GRID1: variants seen among roughly 807,000 people sequenced by gnomAD.
The protein encoded by GRID1 is glutamate ionotropic receptor delta type subunit 1, also known as glutamate receptor ionotropic, delta-1.
A neutral mutation model predicts 98.0 loss-of-function variants in GRID1; 28 were observed. The observed-to-expected ratio is 0.29, with a 90% CI of 0.21 to 0.39. GRID1 has a LOEUF of 0.39. GRID1 is among the 10% of genes least tolerant of loss of function. The pLI is 1.00. For synonymous variants in GRID1, 553 were observed against 538.5 expected (o/e 1.03, Z -0.37); for missense variants, 1,111 against 1,340.5 (o/e 0.83, Z 2.67).
chr10:86,012,235 C>T (rs575411619), intron 4 of GRID1, among the ~76,000 whole-genome samples: 1 of 152,296 alleles, frequency 6.6e-6, no homozygotes, highest in African/African-American at 2.4e-5. Flanking sequence ...GAGGGGAGTG[C>T]TAGCATTTTG....
chr10:86,203,750 G>C (rs1208550381), intron 3 of GRID1, among the ~76,000 whole-genome samples: 1 of 151,850 alleles, frequency 6.6e-6, no homozygotes, highest in African/African-American at 2.4e-5. Flanking sequence ...GAGAACCCCA[G>C]CTCTGGGGTT....
chr10:86,224,096 T>A (rs1032399733), intron 2 of GRID1, among the ~76,000 whole-genome samples: 5 of 152,182 alleles, frequency 3.3e-5, no homozygotes. Flanking sequence ...ACATGTTCCC[T>A]CCAACTGTAC....
At chr10:85,784,781 T>A (rs1225961402) in intron 8 of GRID1, among the ~76,000 whole-genome samples, 1 of 152,204 alleles carries the variant, frequency 6.6e-6, no homozygotes, top group Non-Finnish European at 1.5e-5. Flanking sequence ...AAGGACGAGG[T>A]GTGCATGCTC....
intron 4 of GRID1, among the ~76,000 whole-genome samples, chr10:86,103,354 A>G (rs1326855251): frequency 6.6e-6 from 1 of 152,200 alleles, no homozygotes; most frequent in Non-Finnish European, 1.5e-5. Flanking sequence ...TATAGGGCCC[A>G]GGTGGGGAAT....
chr10:85,797,184 A>G (rs1054691931), intron 8 of GRID1, among the ~76,000 whole-genome samples: 1 of 152,178 alleles, frequency 6.6e-6, no homozygotes, highest in Non-Finnish European at 1.5e-5. Flanking sequence ...AGTTTTTTAA[A>G]AAACCTCAAA....
intron 4 of GRID1, among the ~76,000 whole-genome samples, chr10:86,051,358 T>C (rs576066761): frequency 3.9e-4 from 56 of 144,260 alleles, no homozygotes; most frequent in Admixed American, 1.0e-3. Flanking sequence ...ACGTTTAAAA[T>C]GGAACCATAA....
At chr10:85,645,256 G>C (rs374310488) in intron 13 of GRID1, among the ~76,000 whole-genome samples, 1 of 151,932 alleles carries the variant, frequency 6.6e-6, no homozygotes, top group African/African-American at 2.4e-5. Context: ...GTCAAAGAAA[G>C]CCAGGAAAGG....
intron 4 of GRID1, among the ~76,000 whole-genome samples, chr10:86,005,610 T>C (rs1842851680): frequency 6.6e-6 from 1 of 152,194 alleles, no homozygotes; most frequent in African/African-American, 2.4e-5. Flanking sequence ...GATCCCACAC[T>C]GTGGTCAAAT....
intron 2 of GRID1, among the ~76,000 whole-genome samples, chr10:86,240,918 G>A (rs1239789418): frequency 8.5e-5 from 13 of 152,342 alleles, no homozygotes; most frequent in Middle Eastern, 6.8e-3. Flanking sequence ...GTGGAAAGGC[G>A]TGGAAGGTGT....
At chr10:85,955,468 C>A (rs944589676) in intron 4 of GRID1, among the ~76,000 whole-genome samples, 9 of 152,092 alleles carry the variant, frequency 5.9e-5, no homozygotes, top group Non-Finnish European at 1.3e-4. Flanking sequence ...TGGCCTCTGC[C>A]CGGTCCCCTA....
At chr10:85,647,492 C>T in intron 12 of GRID1, 95 bp from the exon 13 acceptor site, 1 of 884,458 alleles carries the variant, frequency 1.1e-6, no homozygotes, top group Non-Finnish European at 1.8e-6. Context: ...GAACTCCAAG[C>T]CCGGCATGGC....
intron 8 of GRID1, among the ~76,000 whole-genome samples, chr10:85,830,876 G>C (rs943111879): frequency 3.3e-5 from 5 of 152,124 alleles, no homozygotes; most frequent in Non-Finnish European, 7.4e-5. Context: ...ATGTAAATTA[G>C]CTCAGCCATT....
intron 12 of GRID1, among the ~76,000 whole-genome samples, chr10:85,684,550 G>T (rs558956280): frequency 2.0e-5 from 3 of 152,268 alleles, no homozygotes; most frequent in East Asian, 3.9e-4. Context: ...TTAAGGGAAA[G>T]AAAATCCTCT....
intron 4 of GRID1, among the ~76,000 whole-genome samples, chr10:86,003,568 T>C (rs1263249993): frequency 6.6e-6 from 1 of 152,192 alleles, no homozygotes; most frequent in Non-Finnish European, 1.5e-5. Context: ...TGGCAGCCAC[T>C]CGTGGAGCCC....
rs1288170254 is a variant in GRID1, at chr10:85,728,050, T to C, written c.1338A>G (p.Glu446=). The C allele has an allele frequency of 6.2e-7, 1 of 1,607,274 alleles. No homozygotes were observed. Among genetic ancestry groups the C allele is most frequent in the African/African-American group, 1.3e-5 (1 of 74,776 alleles). Residue 446 remains glutamate (E), a splice_region_variant and synonymous_variant, in exon 10 of 16, where the codon GAA becomes GAG. Transcript: ENST00000327946. ...GLTLKVVTVL[E]EPFVMVAENI... is the part of the protein sequence containing the mutation. The stretch of plus-strand genomic sequence containing the variant: ...TCTCAGCCACCATCACGAAAGGCTC[T>C]TCCTGAGGACAACAGAATGAAGGTT...
At chr10:86,064,115 A>G (rs1843687096) in intron 4 of GRID1, among the ~76,000 whole-genome samples, 1 of 152,300 alleles carries the variant, frequency 6.6e-6, no homozygotes, top group East Asian at 1.9e-4. Flanking sequence ...TTTCTCTGCC[A>G]TGATAATGTA....
chr10:85,831,345 C>A (rs1032524869), intron 8 of GRID1, among the ~76,000 whole-genome samples: 2 of 152,022 alleles, frequency 1.3e-5, no homozygotes, highest in Non-Finnish European at 2.9e-5. Context: ...ATGCTAATTA[C>A]CTGGGTGATG....
intron 6 of GRID1, among the ~76,000 whole-genome samples, chr10:85,861,239 T>C (rs1843161252): frequency 6.6e-6 from 1 of 152,156 alleles, no homozygotes. Context: ...AAAGGGATCA[T>C]GTCTGACTCC....
At chr10:85,796,117 C>G (rs576730531) in intron 8 of GRID1, among the ~76,000 whole-genome samples, 2 of 152,018 alleles carry the variant, frequency 1.3e-5, no homozygotes, top group Non-Finnish European at 2.9e-5. Flanking sequence ...ATGACAAGGA[C>G]AAGGGGAATG....
Sources: allele counts gnomAD v4.1 joint callset (sites outside exome capture counted in the v4.1 genomes callset), GRCh38; gene constraint gnomAD v4.1.1; transcripts MANE v1.5; gene names NCBI Gene and HGNC (gene_info 2026-07-23, HGNC 2026-07-21).